Variants in PRDM16 observed in about 807,000 individuals in gnomAD.
PRDM16 encodes the protein PR/SET domain 16.
Under a neutral mutation model 110.6 loss-of-function variants are expected in PRDM16, and 23 were observed. The ratio of observed to expected loss-of-function variants is 0.21; its 90% CI spans 0.15 to 0.29. PRDM16 has a LOEUF of 0.29. Ranked by LOEUF, PRDM16 falls within the 10% of genes least tolerant of loss-of-function variation. PRDM16 has a pLI of 1.00. For missense variants in PRDM16, 1,615 were observed against 1,794.3 expected (o/e 0.90, Z 1.81); for synonymous variants, 799 against 781.8 (o/e 1.02, Z -0.37).
intron 1 of PRDM16, among the ~76,000 whole-genome samples, chr1:3,180,340 G>A (rs549090638): frequency 4.6e-5 from 7 of 152,164 alleles, no homozygotes; most frequent in East Asian, 3.9e-4. Flanking sequence ...GTGAGGAACC[G>A]TAGATTTTTG....
intron 1 of PRDM16, among the ~76,000 whole-genome samples, chr1:3,103,815 G>C (rs968999036): frequency 6.6e-6 from 1 of 152,170 alleles, no homozygotes; most frequent in Admixed American, 6.5e-5. Context: ...TTTTCAATAA[G>C]ATTTCAAGAG....
intron 1 of PRDM16, among the ~76,000 whole-genome samples, chr1:3,184,727 A>C (rs1644248781): frequency 6.6e-6 from 1 of 151,926 alleles, no homozygotes; most frequent in Non-Finnish European, 1.5e-5. Context: ...CCCCCACCCC[A>C]GTCCCCGAGA....
intron 3 of PRDM16, among the ~76,000 whole-genome samples, chr1:3,368,323 G>A (rs1470148528): frequency 1.3e-5 from 2 of 152,186 alleles, no homozygotes; most frequent in Non-Finnish European, 2.9e-5. Flanking sequence ...AGTTTGCGGG[G>A]GTCTTGGCCA....
intron 3 of PRDM16, among the ~76,000 whole-genome samples, chr1:3,380,873 TC>T (rs1268923190): frequency 6.6e-6 from 1 of 152,122 alleles, no homozygotes; most frequent in African/African-American, 2.4e-5. Flanking sequence ...AATGGGTGCC[TC>T]CTCCACAGAG....
chr1:3,356,883 G>T (rs578055843), intron 3 of PRDM16, among the ~76,000 whole-genome samples: 22 of 152,288 alleles, frequency 1.4e-4, no homozygotes, highest in Admixed American at 1.3e-3. Context: ...GTGCCGGCTG[G>T]CTACCCCGGA....
chr1:3,240,037 G>GGA (rs1639626290), intron 2 of PRDM16, among the ~76,000 whole-genome samples: 1 of 109,512 alleles, frequency 9.1e-6, no homozygotes, highest in South Asian at 3.6e-4. Flanking sequence ...GAGGAGAGGA[G>GGA]AAGAGGAGAG....
chr1:3,244,426 A>G lies in PRDM16; in HGVS notation c.438+289A>G, dbSNP rs115846651. Among the ~76,000 whole-genome samples, 1,055 of 152,178 alleles carry G rather than the reference A, an allele frequency of 6.9e-3. 13 individuals carry two copies. The highest frequency in any genetic ancestry group is 0.024 in the African/African-American group (1,000 of 41,516). On this transcript the variant is annotated intron_variant, in intron 3 of 16. Transcript: ENST00000270722. This position sits in a 1 kb window ranked among gnomAD's most constrained non-coding sequence, Gnocchi z 4.1. ...GGAGGAGAGCCCTGTACCTGTGGGA[A>G]AGCTTCAGGCCACGCAGACAGGAAA...
chr1:3,147,017 C>T (rs1417572401), intron 1 of PRDM16, among the ~76,000 whole-genome samples: 4 of 70,072 alleles, frequency 5.7e-5, no homozygotes, highest in East Asian at 6.0e-4. Flanking sequence ...GGGGGGTATG[C>T]GCACGTGTGT....
At position 3,433,909 on chromosome 1, in the gene PRDM16, C is replaced by A; in HGVS notation, c.*98C>A. On this transcript the variant is annotated 3_prime_UTR_variant, in exon 17 of 17. Transcript: ENST00000270722. ...CGGAGAACCCTGTCCCTGCGTGTGG[C>A]CACTCCTCAGCATCCTCCCCACCCA... The A allele has an allele frequency of 8.0e-7, 1 of 1,256,082 alleles. No homozygotes were observed. Among genetic ancestry groups the A allele is most frequent in the Non-Finnish European group, 1.1e-6 (1 of 904,654 alleles). The allele number at this position is 1,256,082 out of a possible 1,614,324, so 77.8% of individuals were successfully genotyped here. A position where few individuals can be genotyped will look rare whatever the true frequency, so the allele number is the denominator to read the frequency against.
At position 3,438,101 on chromosome 1, in the gene PRDM16, TCA is replaced by T. The variant is rs1638956528; in HGVS notation, c.*4291_*4292del. ...GAAATCAAATGTAAATGTCTGGTTT[TCA>T]TATAATGTTTAAAAAGACCATTGAG... On this transcript the variant is annotated 3_prime_UTR_variant, in exon 17 of 17. Coordinates refer to ENST00000270722, the MANE Select transcript of PRDM16 (RefSeq NM_022114.4). 4.8e-6 allele frequency: 1 copy of T among 207,070 alleles called. No individual in the cohort carries two copies. Among genetic ancestry groups the T allele is most frequent in the Non-Finnish European group, 9.8e-6 (1 of 101,566 alleles). The allele number at this position is 207,070 out of a possible 1,614,324, so 12.8% of individuals were successfully genotyped here.
At chr1:3,077,816 A>G (rs1192621662) in intron 1 of PRDM16, among the ~76,000 whole-genome samples, 1 of 152,228 alleles carries the variant, frequency 6.6e-6, no homozygotes, top group Non-Finnish European at 1.5e-5. Flanking sequence ...CCCGGGCCAC[A>G]TCATAAAGCC....
rs59262321 is a variant in PRDM16, at chr1:3,423,695, C to T, written c.2940-1886C>T. On this transcript the variant is annotated intron_variant, in intron 12 of 16. Transcript: ENST00000270722. ...CGAAGGCCACTGTGCTTAGAACAGCCACACCCACTCCGGGTGAACAAACCC... is the reference window on the plus strand; with the variant it reads ...CGAAGGCCACTGTGCTTAGAACAGCTACACCCACTCCGGGTGAACAAACCC... 5.1e-3 allele frequency among the ~76,000 whole-genome samples: 773 copies of T among 152,286 alleles called. 27 individuals are homozygous for T. In the East Asian group the frequency reaches 0.1, roughly 20 times the overall value.
intron 3 of PRDM16, among the ~76,000 whole-genome samples, chr1:3,268,715 G>A (rs996334441): frequency 2.0e-5 from 3 of 152,206 alleles, no homozygotes; most frequent in African/African-American, 7.2e-5. Flanking sequence ...CCTGAAGAAG[G>A]GCTTCTTACC....
At chr1:3,125,165 C>T (rs534268129) in intron 1 of PRDM16, among the ~76,000 whole-genome samples, 1 of 152,392 alleles carries the variant, frequency 6.6e-6, no homozygotes, top group African/African-American at 2.4e-5. Context: ...ACCATGTGCG[C>T]ACCCCGCAGC....
At position 3,245,079 on chromosome 1, in the gene PRDM16, G is replaced by A. The variant is rs1452836251; in HGVS notation, c.438+942G>A. Among the ~76,000 whole-genome samples, 3 of 152,116 alleles carry A rather than the reference G, an allele frequency of 2.0e-5. No individual in the cohort carries two copies. Among genetic ancestry groups the A allele is most frequent in the South Asian group, 2.1e-4 (1 of 4,822 alleles). On this transcript the variant is annotated intron_variant, in intron 3 of 16. Transcript: ENST00000270722. This position sits in a 1 kb window ranked among gnomAD's most constrained non-coding sequence, Gnocchi z 4.7. ...AGCATCGCAGGGGGCGGGGTGGGGC[G>A]GGGTGCACCATGGGGGTTGCTGGCA... is the stretch of plus-strand genomic sequence containing the variant.
At chr1:3,181,540 G>GCA (rs1225105833) in intron 1 of PRDM16, among the ~76,000 whole-genome samples, 1 of 36,440 alleles carries the variant, frequency 2.7e-5, no homozygotes, top group Non-Finnish European at 4.9e-5. Context: ...TCTTACACAC[G>GCA]GTCTTACACA....
chr1:3,233,677 G>A (rs1470689230), intron 2 of PRDM16, among the ~76,000 whole-genome samples: 1 of 152,218 alleles, frequency 6.6e-6, no homozygotes, highest in Non-Finnish European at 1.5e-5. Flanking sequence ...TAACACAGGA[G>A]AGCCGACGTT....
At chr1:3,130,644 C>T (rs758490700) in intron 1 of PRDM16, among the ~76,000 whole-genome samples, 9 of 152,124 alleles carry the variant, frequency 5.9e-5, no homozygotes, top group Non-Finnish European at 1.0e-4. Flanking sequence ...TTCTGTAACT[C>T]GCCGCCTTCT....
At position 3,425,801 on chromosome 1, in the gene PRDM16, C is replaced by G. The variant is rs369812170; in HGVS notation, c.3109+51C>G. On this transcript the variant is annotated intron_variant, in intron 13 of 16. Transcript: ENST00000270722. The surrounding 1 kb of genome is among the most constrained non-coding windows in gnomAD (Gnocchi z 6.9). ...CCCAGAGCACCCACACGGGCAGGCC[C>G]CACAGAGGGGGAGGGGGAACAGCAG... 2.5e-6 allele frequency: 4 copies of G among 1,602,894 alleles called. No homozygotes were observed. In the South Asian group the frequency reaches 4.4e-5, roughly 18 times the overall value.
Sources: gnomAD v4.1 joint callset for allele counts (sites outside exome capture counted in the v4.1 genomes callset) on GRCh38, gnomAD v4.1.1 for gene constraint, Gnocchi (gnomAD v3.1) non-coding constraint, MANE v1.5 for transcripts, NCBI Gene and HGNC (gene_info 2026-07-23, HGNC 2026-07-21) for gene names.